The following PLBD1 variants were observed in gnomAD, a reference collection of about 807,000 sequenced individuals.
PLBD1 encodes the protein lysosomal leucine aminopeptidase.
A neutral mutation model predicts 63.0 loss-of-function variants in PLBD1; 60 were observed. The observed-to-expected ratio is 0.95, with a 90% CI of 0.77 to 1.18. The LOEUF (loss-of-function observed/expected upper bound fraction) is 1.18, where lower values mean the gene tolerates loss of function less well. Ranked by LOEUF, PLBD1 falls within the 50% of genes most tolerant of loss-of-function variation. The pLI, the probability that PLBD1 is intolerant of heterozygous loss-of-function variation, is 0.00. For missense variants in PLBD1, 598 were observed against 677.9 expected, an observed-to-expected ratio of 0.88 and a Z score of 1.31; for synonymous variants, 262 against 248.0, an observed-to-expected ratio of 1.06 and a Z score of -0.53.
chr12:14,503,770 C>T lies in PLBD1; in HGVS notation c.*2G>A, dbSNP rs752584161. 5 of 1,610,742 alleles carry T rather than the reference C, an allele frequency of 3.1e-6. No homozygotes were observed. The highest frequency in any genetic ancestry group is 3.4e-6 in the Non-Finnish European group (4 of 1,177,234). On this transcript the variant is annotated 3_prime_UTR_variant, in exon 11 of 11. Coordinates refer to ENST00000240617, the MANE Select transcript of PLBD1 (RefSeq NM_024829.6). ...AGTCTTCTAGTCCGTCATCTCCCTC[C>T]TTCATTTTATATCAAGTTTCAAAAT...
intron 2 of PLBD1, among the ~76,000 whole-genome samples, chr12:14,546,035 C>A (rs1945613732): frequency 6.6e-6 from 1 of 152,056 alleles, no homozygotes. Context: ...AAATGAGTTA[C>A]ATGAAGGCCA....
chr12:14,541,756 T>G (rs1435947207), intron 3 of PLBD1, among the ~76,000 whole-genome samples: 2 of 152,226 alleles, frequency 1.3e-5, no homozygotes, highest in East Asian at 3.8e-4. Flanking sequence ...TAGAAAACTT[T>G]ATTAAAATGG....
intron 1 of PLBD1, among the ~76,000 whole-genome samples, chr12:14,566,569 C>T (rs959173893): frequency 2.6e-5 from 4 of 152,060 alleles, no homozygotes; most frequent in Admixed American, 6.6e-5. Context: ...AAATCCAAGG[C>T]TTTTTAATTT....
chr12:14,553,579 C>T (rs1945677777), intron 1 of PLBD1, 167 bp from the exon 2 acceptor site: 5 of 646,776 alleles, frequency 7.7e-6, no homozygotes, highest in Non-Finnish European at 1.1e-5. Flanking sequence ...TGGGGAAAAA[C>T]TGGAATCCCA....
chr12:14,560,361 T>C (rs1326342218), intron 1 of PLBD1, among the ~76,000 whole-genome samples: 1 of 152,008 alleles, frequency 6.6e-6, no homozygotes, highest in African/African-American at 2.4e-5. Flanking sequence ...ACTTAATATA[T>C]TCAGAAGTCA....
At chr12:14,566,299 G>C (rs1488259831) in intron 1 of PLBD1, among the ~76,000 whole-genome samples, 1 of 152,124 alleles carries the variant, frequency 6.6e-6, no homozygotes, top group African/African-American at 2.4e-5. Flanking sequence ...AGACTGGAAA[G>C]ATTTAAGATT....
chr12:14,528,126 T>A (rs1945431137), intron 6 of PLBD1, among the ~76,000 whole-genome samples: 1 of 152,114 alleles, frequency 6.6e-6, no homozygotes, highest in Admixed American at 6.6e-5. Context: ...ACAGACAAAT[T>A]AATAATTATA....
chr12:14,553,231 CAT>C lies in PLBD1; in HGVS notation c.295_296del (p.Met99ValfsTer17). 3 of 1,613,930 alleles carry C rather than the reference CAT, an allele frequency of 1.9e-6. No homozygotes were observed. Among genetic ancestry groups the C allele is most frequent in the Non-Finnish European group, 1.7e-6 (2 of 1,179,962 alleles). On this transcript the variant is annotated frameshift_variant, in exon 2 of 11. Transcript: ENST00000240617. LOFTEE classifies it high-confidence loss of function. ...AACCCTCCAAAAAGCCAGCCACAAACATGATGATCTCATTGCTCAGGGTTTGA... is the reference window on the plus strand; with the variant it reads ...AACCCTCCAAAAAGCCAGCCACAAACGATGATCTCATTGCTCAGGGTTTGA... ...GSQTLSNEII[M>X]FVAGFLEGYL... is the part of the protein sequence containing the mutation.
chr12:14,528,634 G>T (rs1945435631), intron 6 of PLBD1, among the ~76,000 whole-genome samples: 1 of 151,938 alleles, frequency 6.6e-6, no homozygotes, highest in Non-Finnish European at 1.5e-5. Flanking sequence ...ATGATAGAAA[G>T]ATCAAAATCA....
intron 1 of PLBD1, among the ~76,000 whole-genome samples, chr12:14,556,751 G>A (rs1257172255): frequency 1.3e-5 from 2 of 151,298 alleles, no homozygotes; most frequent in African/African-American, 2.4e-5. Context: ...TTGGGAGGCC[G>A]AGGCAGGAGG....
chr12:14,515,839 G>T (rs1470716202), intron 6 of PLBD1, among the ~76,000 whole-genome samples: 1 of 151,408 alleles, frequency 6.6e-6, no homozygotes. Flanking sequence ...ATCATTTGAG[G>T]TCAGGAGTTT....
chr12:14,550,130 C>A (rs1372068726), intron 2 of PLBD1, among the ~76,000 whole-genome samples: 1 of 152,220 alleles, frequency 6.6e-6, no homozygotes, highest in Non-Finnish European at 1.5e-5. Context: ...ACTTCTTCCA[C>A]AAAGCCTTCT....
At chr12:14,517,177 T>A (rs974326730) in intron 6 of PLBD1, among the ~76,000 whole-genome samples, 1 of 152,154 alleles carries the variant, frequency 6.6e-6, no homozygotes, top group Admixed American at 6.5e-5. Flanking sequence ...AGACAGGCCA[T>A]GCTCTGTCGC....
At chr12:14,565,887 G>A (rs1250398095) in intron 1 of PLBD1, among the ~76,000 whole-genome samples, 1 of 152,154 alleles carries the variant, frequency 6.6e-6, no homozygotes, top group Non-Finnish European at 1.5e-5. Flanking sequence ...TCTCAGAAAT[G>A]TCCTTACTTT....
intron 1 of PLBD1, among the ~76,000 whole-genome samples, chr12:14,561,134 G>A (rs1464458779): frequency 6.6e-6 from 1 of 150,882 alleles, no homozygotes; most frequent in Non-Finnish European, 1.5e-5. Context: ...GAGAGGATGT[G>A]AGGTGGGCCT....
chr12:14,532,368 C>T (rs888936214), intron 6 of PLBD1, among the ~76,000 whole-genome samples: 1 of 152,130 alleles, frequency 6.6e-6, no homozygotes, highest in African/African-American at 2.4e-5. Flanking sequence ...GAGGAGGCCA[C>T]GACAGGGGCC....
intron 10 of PLBD1, 43 bp downstream of exon 10, chr12:14,506,119 G>T: frequency 7.1e-7 from 1 of 1,408,218 alleles, no homozygotes; most frequent in Non-Finnish European, 9.9e-7. Flanking sequence ...GGAGAGGCCT[G>T]TGTGCTGGTG....
chr12:14,518,703 T>C (rs1188461762), intron 6 of PLBD1, among the ~76,000 whole-genome samples: 6 of 152,174 alleles, frequency 3.9e-5, no homozygotes, highest in African/African-American at 1.2e-4. Context: ...CCTTCTTTTC[T>C]CCTTCCTTCC....
chr12:14,542,088 T>C (rs1945576964), intron 3 of PLBD1, 120 bp downstream of exon 3: 1 of 737,592 alleles, frequency 1.4e-6, no homozygotes, highest in Non-Finnish European at 2.3e-6. Context: ...ACTACAAGAA[T>C]AACTCTAGAG....
Sources: gnomAD v4.1 joint callset for allele counts (sites outside exome capture counted in the v4.1 genomes callset) on GRCh38, gnomAD v4.1.1 for gene constraint, MANE v1.5 for transcripts, NCBI Gene and HGNC (gene_info 2026-07-23, HGNC 2026-07-21) for gene names.